EPB41L2: variants seen among roughly 807,000 people sequenced by gnomAD.
EPB41L2 encodes the protein erythrocyte membrane protein band 4.1 like 2.
Under a neutral mutation model 113.0 loss-of-function variants are expected in EPB41L2, and 43 were observed. The observed-to-expected ratio is 0.38, with a 90% CI of 0.30 to 0.49. The LOEUF (loss-of-function observed/expected upper bound fraction) is 0.49. EPB41L2 is among the 20% of genes least tolerant of loss of function. The pLI is 0.95. For missense variants in EPB41L2, 1,147 were observed against 1,223.4 expected (o/e 0.94, Z 0.93); for synonymous variants, 442 against 436.7 (o/e 1.01, Z -0.15).
chr6:130,901,044 T>C lies in EPB41L2; in HGVS notation c.1066A>G (p.Ile356Val). 5 of 1,614,176 alleles carry C rather than the reference T, an allele frequency of 3.1e-6. No individual in the cohort carries two copies. The highest frequency in any genetic ancestry group is 4.2e-6 in the Non-Finnish European group (5 of 1,180,024). ...GDYDPEEHGS[I>V]DLSEFQFAPT... is the part of the protein sequence containing the mutation. ...GCAAACTGGAATTCACTGAGGTCGA[T>C]GCTGCCATGTTCTTCTGGGTCATAG... The change falls in exon 7 of 20, where the codon ATC becomes GTC. Residue 356 changes from isoleucine (I) to valine (V), a missense_variant. Physicochemically the swap from Ile to Val is conservative, Grantham distance 29 (BLOSUM62 3). Transcript: ENST00000337057.
chr6:130,973,120 T>A (rs1287829663), intron 1 of EPB41L2, among the ~76,000 whole-genome samples: 2 of 152,066 alleles, frequency 1.3e-5, no homozygotes, highest in East Asian at 3.9e-4. Flanking sequence ...TAAAAAATTT[T>A]AAAAAGTAAG....
At chr6:130,953,984 AAACT>A (rs1816262511) in intron 3 of EPB41L2, among the ~76,000 whole-genome samples, 1 of 143,226 alleles carries the variant, frequency 7.0e-6, no homozygotes, top group Non-Finnish European at 1.5e-5. Flanking sequence ...ACAACAGCAA[AAACT>A]AAGACAACTA....
intron 1 of EPB41L2, among the ~76,000 whole-genome samples, chr6:131,024,924 T>G (rs1790505323): frequency 6.6e-6 from 1 of 152,218 alleles, no homozygotes. Flanking sequence ...CTTCCCTTAA[T>G]TCCCTTTATT....
intron 1 of EPB41L2, among the ~76,000 whole-genome samples, chr6:131,059,510 A>G (rs907771503): frequency 8.6e-5 from 13 of 151,154 alleles, no homozygotes; most frequent in African/African-American, 3.2e-4. Context: ...AGTCTAGGGC[A>G]CTGCCCACGC....
chr6:130,875,164 C>G (rs1030926434), intron 14 of EPB41L2, among the ~76,000 whole-genome samples: 2 of 152,192 alleles, frequency 1.3e-5, no homozygotes, highest in African/African-American at 4.8e-5. Flanking sequence ...CTTTCCCAAC[C>G]CTGCTACGTG....
intron 16 of EPB41L2, among the ~76,000 whole-genome samples, chr6:130,867,072 A>G (rs1378975964): frequency 6.6e-6 from 1 of 152,190 alleles, no homozygotes; most frequent in Admixed American, 6.5e-5. Context: ...CCTAAATCAC[A>G]TCCACAATTA....
chr6:131,020,031 T>C (rs924244946), intron 1 of EPB41L2, among the ~76,000 whole-genome samples: 11 of 152,122 alleles, frequency 7.2e-5, no homozygotes, highest in Non-Finnish European at 1.6e-4. Context: ...GGTTTTCTGT[T>C]TTTCTGGAGG....
intron 1 of EPB41L2, among the ~76,000 whole-genome samples, chr6:130,967,627 C>T (rs954481541): frequency 2.0e-5 from 3 of 152,072 alleles, no homozygotes; most frequent in Non-Finnish European, 2.9e-5. Context: ...CATAAACATT[C>T]CCCAATCTCT....
At chr6:130,952,646 C>T (rs1815601897) in intron 3 of EPB41L2, among the ~76,000 whole-genome samples, 2 of 152,068 alleles carry the variant, frequency 1.3e-5, no homozygotes. Flanking sequence ...CCCGTCTCTA[C>T]TAAAAATACA....
intron 1 of EPB41L2, among the ~76,000 whole-genome samples, chr6:130,993,353 C>T (rs1200930376): frequency 1.3e-5 from 2 of 152,142 alleles, no homozygotes; most frequent in African/African-American, 4.8e-5. Flanking sequence ...GGAAACCCAA[C>T]ATATATTTCT....
At chr6:131,042,210 C>A (rs1229460560) in intron 1 of EPB41L2, among the ~76,000 whole-genome samples, 2 of 152,152 alleles carry the variant, frequency 1.3e-5, no homozygotes, top group Admixed American at 1.3e-4. Flanking sequence ...CAGGGAATGA[C>A]CCCTAATCCC....
intron 10 of EPB41L2, among the ~76,000 whole-genome samples, chr6:130,893,155 C>T (rs1477631242): frequency 6.6e-6 from 1 of 152,018 alleles, no homozygotes; most frequent in East Asian, 1.9e-4. Context: ...CTTATATAAC[C>T]ATATATACAT....
chr6:130,858,377 C>T, intron 18 of EPB41L2, 134 bp from the exon 19 acceptor site: 1 of 628,538 alleles, frequency 1.6e-6, no homozygotes, highest in Admixed American at 2.9e-5. Flanking sequence ...TTTGAGAAAG[C>T]AGGAAGATTT....
At chr6:131,048,138 CA>C (rs200522047) in intron 1 of EPB41L2, among the ~76,000 whole-genome samples, 102 of 53,028 alleles carry the variant, frequency 1.9e-3, no homozygotes, top group Admixed American at 9.5e-3. Flanking sequence ...GACTCTGTCT[CA>C]AAAAAAAAAA....
At chr6:130,911,908 C>A (rs1230302494) in intron 4 of EPB41L2, among the ~76,000 whole-genome samples, 1 of 152,144 alleles carries the variant, frequency 6.6e-6, no homozygotes, top group African/African-American at 2.4e-5. Context: ...GTCCTCAACC[C>A]CCATCCCACG....
At chr6:130,975,040 C>CTCTCTTG (rs1777895490) in intron 1 of EPB41L2, among the ~76,000 whole-genome samples, 1 of 152,126 alleles carries the variant, frequency 6.6e-6, no homozygotes, top group Non-Finnish European at 1.5e-5. Context: ...GGTGAAATAA[C>CTCTCTTG]ATGTGAGGTT....
intron 4 of EPB41L2, among the ~76,000 whole-genome samples, chr6:130,912,026 C>A (rs916181330): frequency 2.0e-5 from 3 of 152,146 alleles, no homozygotes; most frequent in Non-Finnish European, 4.4e-5. Flanking sequence ...GATCACCACC[C>A]GCGTTAGATT....
chr6:130,843,247 C>T (rs1342038042), intron 19 of EPB41L2, among the ~76,000 whole-genome samples: 1 of 152,178 alleles, frequency 6.6e-6, no homozygotes, highest in African/African-American at 2.4e-5. Flanking sequence ...GCTACATAAG[C>T]ATCAGAAATA....
intron 11 of EPB41L2, among the ~76,000 whole-genome samples, chr6:130,888,365 A>G (rs1325965212): frequency 6.6e-6 from 1 of 152,194 alleles, no homozygotes; most frequent in Non-Finnish European, 1.5e-5. Flanking sequence ...GAGAAAAATA[A>G]TGGATTACTG....
Sources: allele counts gnomAD v4.1 joint callset (sites outside exome capture counted in the v4.1 genomes callset), GRCh38; gene constraint gnomAD v4.1.1; transcripts MANE v1.5; gene names NCBI Gene and HGNC (gene_info 2026-07-23, HGNC 2026-07-21).